The following MCF2 variants were observed in gnomAD, a reference collection of about 807,000 sequenced individuals.
The protein encoded by MCF2 is proto-oncogene DBL.
Under a neutral mutation model 82.5 loss-of-function variants are expected in MCF2, and 44 were observed. That is an observed-to-expected ratio of 0.53 (90% confidence interval 0.42 to 0.69). The LOEUF (loss-of-function observed/expected upper bound fraction) is 0.69. Among genes scored for constraint, MCF2 ranks in the 30% least tolerant of loss-of-function variants. The pLI is 0.00. For missense variants in MCF2, 623 were observed against 663.1 expected (o/e 0.94, Z 0.66); for synonymous variants, 217 against 224.9 (o/e 0.96, Z 0.32).
At chrX:139,626,851 A>T in intron 4 of MCF2, 95 bp from the exon 8 acceptor site, 3 of 769,186 alleles carry the variant, frequency 3.9e-6, no homozygotes, top group South Asian at 3.2e-5. Flanking sequence ...TGAAGAATCG[A>T]AACAGTTAAT....
intron 11 of MCF2, among the ~76,000 whole-genome samples, chrX:139,608,204 C>CT (rs371006121): frequency 7.1e-4 from 74 of 104,660 alleles, no homozygotes; most frequent in Non-Finnish European, 9.9e-4. Context: ...GATCCTTTTC[C>CT]TTTTTTTTTT....
At chrX:139,667,915 G>T (rs188084919) in intron 1 of MCF2, among the ~76,000 whole-genome samples, 22 of 112,008 alleles carry the variant, frequency 2.0e-4, no homozygotes, top group Non-Finnish European at 9.4e-5. Context: ...TAGTGCTTTG[G>T]GAGGCCAAGG....
chrX:139,698,855 TTAC>T (rs1417793391), intron 1 of MCF2, among the ~76,000 whole-genome samples: 3 of 112,071 alleles, frequency 2.7e-5, no homozygotes, highest in Non-Finnish European at 5.6e-5. Context: ...ACAGTTGCTG[TTAC>T]TACTAATAAT....
At chrX:139,617,556 A>G in exon 8 of MCF2, 1 of 1,198,605 alleles carries the variant, frequency 8.3e-7, no homozygotes, top group Non-Finnish European at 1.1e-6. Context: ...GCTGAGTTGT[A>G]TCCGTTTTGC....
At chrX:139,683,802 G>A (rs144143535) in intron 1 of MCF2, among the ~76,000 whole-genome samples, 10,756 of 111,359 alleles carry the variant, frequency 0.097, 428 homozygotes, top group South Asian at 0.2. Flanking sequence ...CTGAATCTTT[G>A]CCGCACACTA....
intron 19 of MCF2, among the ~76,000 whole-genome samples, chrX:139,590,719 C>T (rs1976370783): frequency 9.0e-6 from 1 of 110,620 alleles, no homozygotes; most frequent in African/African-American, 3.3e-5. Flanking sequence ...TTCCTCTTTT[C>T]TTTCAATTCT....
chrX:139,584,493 T>A (rs1928774564), intron 24 of MCF2, among the ~76,000 whole-genome samples: 1 of 111,368 alleles, frequency 9.0e-6, no homozygotes, highest in African/African-American at 3.3e-5. Context: ...AATAGCCCAC[T>A]GGTATCCTAC....
At chrX:139,630,908 C>G (rs1932901289) in intron 3 of MCF2, among the ~76,000 whole-genome samples, 1 of 112,074 alleles carries the variant, frequency 8.9e-6, no homozygotes, top group South Asian at 3.7e-4. Flanking sequence ...GACGGTTTGC[C>G]ATATGCTAGG....
chrX:139,700,029 T>C (rs1935458043), intron 1 of MCF2, among the ~76,000 whole-genome samples: 1 of 111,503 alleles, frequency 9.0e-6, no homozygotes, highest in Non-Finnish European at 1.9e-5. Context: ...TAGTCATTTA[T>C]GTGTTCTTTC....
At chrX:139,676,097 G>A (rs185832405) in intron 1 of MCF2, among the ~76,000 whole-genome samples, 240 of 112,833 alleles carry the variant, frequency 2.1e-3, no homozygotes, top group Non-Finnish European at 3.5e-3. Context: ...TTAGCAGTAG[G>A]CAAGGCTCTG....
chrX:139,689,662 T>TTTTTTTTTTTTTGAGAC (rs1569402957), intron 1 of MCF2, among the ~76,000 whole-genome samples: 1 of 108,767 alleles, frequency 9.2e-6, no homozygotes, highest in African/African-American at 3.4e-5. Context: ...CTTATTTCCT[T>TTTTTTTTTTTTTGAGAC]GCCTGGAATA....
chrX:139,605,901 C>T (rs1213535303), intron 12 of MCF2, 122 bp from the exon 17 acceptor site: 4 of 451,761 alleles, frequency 8.9e-6, no homozygotes, highest in South Asian at 6.6e-5. Flanking sequence ...CAATGGTTTT[C>T]GTTTTAGCAT....
upstream of MCF2, among the ~76,000 whole-genome samples, chrX:139,646,468 A>T (rs1933804345): frequency 9.0e-6 from 1 of 111,725 alleles, no homozygotes; most frequent in Non-Finnish European, 1.9e-5. Flanking sequence ...GGCTGTACTC[A>T]CTCTTGGCTG....
intron 1 of MCF2, among the ~76,000 whole-genome samples, chrX:139,683,680 C>A (rs912917358): frequency 2.2e-4 from 24 of 111,468 alleles, no homozygotes; most frequent in African/African-American, 7.8e-4. Flanking sequence ...ATCTTTGTAC[C>A]GAAGGTTAAT....
intron 1 of MCF2, chrX:139,642,390 T>C (rs1743779394): frequency 1.7e-6 from 2 of 1,175,433 alleles, no homozygotes; most frequent in East Asian, 3.0e-5. Flanking sequence ...CAGCAGTTTG[T>C]GCTATAGCAC....
intron 24 of MCF2, 37 bp downstream of exon 28, chrX:139,585,029 T>C: frequency 1.0e-6 from 1 of 987,434 alleles, no homozygotes; most frequent in South Asian, 2.3e-5. Flanking sequence ...TCAGTAAAAC[T>C]GCCTCAATAA....
chrX:139,686,326 T>C (rs1216750276), intron 1 of MCF2, among the ~76,000 whole-genome samples: 1 of 111,330 alleles, frequency 9.0e-6, no homozygotes, highest in Non-Finnish European at 1.9e-5. Flanking sequence ...GGAAGTCAAA[T>C]TATCCCTGTT....
At chrX:139,629,014 C>T (rs932959109) in intron 4 of MCF2, among the ~76,000 whole-genome samples, 3 of 111,698 alleles carry the variant, frequency 2.7e-5, no homozygotes, top group African/African-American at 6.5e-5. Context: ...ACTAGAAACT[C>T]GGCCTCCTGA....
chrX:139,699,375 A>T (rs1432652647), intron 1 of MCF2, among the ~76,000 whole-genome samples: 1 of 112,107 alleles, frequency 8.9e-6, no homozygotes, highest in African/African-American at 3.2e-5. Context: ...ATGCCATACA[A>T]TTCTCCCATT....
Sources: allele counts gnomAD v4.1 joint callset (sites outside exome capture counted in the v4.1 genomes callset), GRCh38; gene constraint gnomAD v4.1.1; transcripts MANE v1.5; gene names NCBI Gene and HGNC (gene_info 2026-07-23, HGNC 2026-07-21).